HIP1: variants seen among roughly 807,000 people sequenced by gnomAD.
HIP1 encodes huntingtin-interacting protein 1.
In HIP1, 65 loss-of-function variants were observed where a neutral mutation model predicts 147.6. The observed-to-expected ratio is 0.44, with a 90% CI of 0.36 to 0.54. The LOEUF (loss-of-function observed/expected upper bound fraction) is 0.54, where lower values mean the gene tolerates loss of function less well. Among genes scored for constraint, HIP1 ranks in the 20% least tolerant of loss-of-function variants. The pLI is 0.00. For synonymous variants in HIP1, 479 were observed against 504.0 expected (o/e 0.95, Z 0.67); for missense variants, 1,061 against 1,299.6 (o/e 0.82, Z 2.82).
At chr7:75,646,793 C>G (rs539745950) in intron 1 of HIP1, among the ~76,000 whole-genome samples, 13 of 152,156 alleles carry the variant, frequency 8.5e-5, no homozygotes, top group Non-Finnish European at 1.5e-4. Flanking sequence ...TTGGAGCTGC[C>G]CCTGGGGAAC....
intron 1 of HIP1, among the ~76,000 whole-genome samples, chr7:75,702,806 A>T (rs1397755700): frequency 6.6e-6 from 1 of 152,036 alleles, no homozygotes; most frequent in African/African-American, 2.4e-5. Context: ...GAGCGAGGGA[A>T]GGTGCCAGGT....
chr7:75,611,077 TG>T (rs1313783097), intron 1 of HIP1, among the ~76,000 whole-genome samples: 116 of 95,774 alleles, frequency 1.2e-3, no homozygotes, highest in Non-Finnish European at 1.7e-3. Context: ...AGCTAATTTT[TG>T]TATTTTGTAT....
intron 2 of HIP1, among the ~76,000 whole-genome samples, chr7:75,595,554 G>C (rs1187408433): frequency 6.6e-6 from 1 of 151,882 alleles, no homozygotes; most frequent in Non-Finnish European, 1.5e-5. Flanking sequence ...ATGATGCTCA[G>C]GCTGGTCTCG....
intron 2 of HIP1, among the ~76,000 whole-genome samples, chr7:75,593,745 C>T (rs1346854393): frequency 6.6e-6 from 1 of 152,030 alleles, no homozygotes; most frequent in Non-Finnish European, 1.5e-5. Context: ...CAGCATCTCC[C>T]AGCCCCTTTC....
rs1268585403 is a variant in HIP1 at position 75,535,906 on chromosome 7, G to C, written c.*2266C>G. ...TTTGGTATTTTTAGTAGAGATGGGG[G>C]TTTCACCATGTTGGACAGGCTGGTC... On this transcript the variant is annotated 3_prime_UTR_variant, in exon 31 of 31. Coordinates refer to ENST00000336926, the MANE Select transcript of HIP1 (RefSeq NM_005338.7). 1 of 173,588 alleles carries C rather than the reference G, an allele frequency of 5.8e-6. No homozygotes were observed. Among genetic ancestry groups the C allele is most frequent in the Non-Finnish European group, 1.2e-5 (1 of 80,548 alleles). 10.8% of individuals were successfully genotyped at this position (173,588 alleles called of 1,614,324 possible).
chr7:75,553,130 G>A (rs986659935), intron 22 of HIP1, among the ~76,000 whole-genome samples: 4 of 151,844 alleles, frequency 2.6e-5, no homozygotes, highest in African/African-American at 4.8e-5. Context: ...TAGAGACAGG[G>A]TTTCACCCTG....
chr7:75,713,115 G>A lies in HIP1; in HGVS notation c.120+25686C>T, dbSNP rs142733625. ...GAAGACACAAACCAGGGCCATCCCT[G>A]AAAAGGGCCCTTGGAAGGGCACAAA... On this transcript the variant is annotated intron_variant, in intron 1 of 30. Coordinates refer to ENST00000336926, the MANE Select transcript of HIP1 (RefSeq NM_005338.7). 6.2e-3 allele frequency among the ~76,000 whole-genome samples: 946 copies of A among 152,312 alleles called. 16 individuals are homozygous for A. Among genetic ancestry groups the A allele is most frequent in the African/African-American group, 0.021 (880 of 41,578 alleles).
chr7:75,561,895 C>T (rs1376506056), intron 12 of HIP1, among the ~76,000 whole-genome samples, 178 bp downstream of exon 12: 2 of 152,198 alleles, frequency 1.3e-5, no homozygotes, highest in South Asian at 2.1e-4. Context: ...AATCCTCCTA[C>T]CTCATCCTCC....
At chr7:75,666,027 C>T (rs1199059575) in intron 1 of HIP1, among the ~76,000 whole-genome samples, 2 of 152,004 alleles carry the variant, frequency 1.3e-5, no homozygotes, top group African/African-American at 2.4e-5. Flanking sequence ...ACTGCAGACC[C>T]ACACAGACGA....
intron 15 of HIP1, 132 bp from the exon 16 acceptor site, chr7:75,557,902 G>T (rs1192566112): frequency 6.9e-6 from 5 of 719,794 alleles, no homozygotes; most frequent in South Asian, 3.2e-5. Flanking sequence ...CCCACAGCCG[G>T]AACAGAGCCA....
At chr7:75,623,423 C>T (rs1216676367) in intron 1 of HIP1, among the ~76,000 whole-genome samples, 1 of 151,924 alleles carries the variant, frequency 6.6e-6, no homozygotes, top group Non-Finnish European at 1.5e-5. Flanking sequence ...GAGGAGAGGA[C>T]GGGAGAGTGG....
At chr7:75,583,594 C>T (rs781980040) in intron 5 of HIP1, among the ~76,000 whole-genome samples, 6 of 151,926 alleles carry the variant, frequency 3.9e-5, no homozygotes, top group Non-Finnish European at 8.8e-5. Context: ...GTTTCTCTCT[C>T]TTTTTTTATT....
chr7:75,570,384 A>G lies in HIP1; in HGVS notation c.746-2128T>C, dbSNP rs587608871. ...TCGGCTCACTGCAAGCTCCACCTCC[A>G]GGGCTCACACCATTCTGCTGCCTCA... On this transcript the variant is annotated intron_variant, in intron 8 of 30. Transcript: ENST00000336926. 3.1e-3 allele frequency among the ~76,000 whole-genome samples: 458 copies of G among 146,684 alleles called. 3 individuals carry two copies. Among genetic ancestry groups the G allele is most frequent in the African/African-American group, 0.01 (414 of 39,546 alleles).
chr7:75,632,747 G>A (rs945852102), intron 1 of HIP1, among the ~76,000 whole-genome samples: 2 of 151,930 alleles, frequency 1.3e-5, no homozygotes, highest in Non-Finnish European at 1.5e-5. Context: ...TTAAAGCAGC[G>A]CAAATGGACT....
chr7:75,689,927 C>T (rs991101975), intron 1 of HIP1, among the ~76,000 whole-genome samples: 2 of 152,200 alleles, frequency 1.3e-5, no homozygotes, highest in South Asian at 2.1e-4. Flanking sequence ...TGGGGATCTG[C>T]GAGCCCTGGC....
chr7:75,738,838 A>T lies in HIP1; in HGVS notation c.83T>A (p.Leu28Gln), dbSNP rs1554523965. The change falls in exon 1 of 31, where the codon CTG becomes CAG. Residue 28 changes from leucine to glutamine, a missense_variant. By Grantham distance (113) the Leu-to-Gln change is moderately radical. Transcript: ENST00000336926. Reference sequence around the variant, plus strand: ...GAAGCTCTCGCGCTCCGCCGCCTCCAGCCCAGCGCCGACCCCGCGCCGGCT... The same window carrying T: ...GAAGCTCTCGCGCTCCGCCGCCTCCTGCCCAGCGCCGACCCCGCGCCGGCT... The part of the protein sequence containing the change: ...VLSRRGVGAG[L>Q]EAAERESFER... The T allele has an allele frequency of 1.9e-6, 3 of 1,596,472 alleles. No homozygotes were observed. The highest frequency in any genetic ancestry group is 1.7e-6 in the Non-Finnish European group (2 of 1,173,408).
At chr7:75,703,178 T>A (rs955913587) in intron 1 of HIP1, among the ~76,000 whole-genome samples, 3 of 151,772 alleles carry the variant, frequency 2.0e-5, no homozygotes, top group African/African-American at 7.3e-5. Context: ...GCGAAACCCA[T>A]CTCTACTAAA....
At chr7:75,724,251 C>G (rs1801587997) in intron 1 of HIP1, among the ~76,000 whole-genome samples, 2 of 144,432 alleles carry the variant, frequency 1.4e-5, no homozygotes, top group African/African-American at 2.5e-5. Context: ...CCGCGCCCAG[C>G]CTATTTTTAT....
chr7:75,717,059 T>TG (rs1801345860), intron 1 of HIP1, among the ~76,000 whole-genome samples: 1 of 151,726 alleles, frequency 6.6e-6, no homozygotes, highest in East Asian at 1.9e-4. Context: ...GCTCAAGCAA[T>TG]CCTCTCGCCC....
Sources: allele counts gnomAD v4.1 joint callset (sites outside exome capture counted in the v4.1 genomes callset), GRCh38; gene constraint gnomAD v4.1.1; transcripts MANE v1.5; gene names NCBI Gene and HGNC (gene_info 2026-07-23, HGNC 2026-07-21).